TENM3: variants seen among roughly 807,000 people sequenced by gnomAD.
TENM3 encodes teneurin-3.
Under a neutral mutation model 255.1 loss-of-function variants are expected in TENM3, and 63 were observed. The observed-to-expected ratio is 0.25, with a 90% CI of 0.20 to 0.30. The LOEUF (loss-of-function observed/expected upper bound fraction) is 0.30, where lower values mean the gene tolerates loss of function less well. TENM3 is among the 10% of genes least tolerant of loss of function. The pLI, the probability that TENM3 is intolerant of heterozygous loss-of-function variation, is 1.00. For synonymous variants in TENM3, 1,306 were observed against 1,322.3 expected (o/e 0.99, Z 0.27); for missense variants, 2,929 against 3,461.1 (o/e 0.85, Z 3.86).
chr4:181,883,704 C>T, the TENM3 span, among the ~76,000 whole-genome samples: 1 of 152,118 alleles, frequency 6.6e-6, no homozygotes, highest in East Asian at 1.9e-4. Context: ...GTCTCGATCT[C>T]CTGACCTTGT....
At chr4:182,367,786 A>T (rs547809797) in intron 3 of TENM3, among the ~76,000 whole-genome samples, 9 of 152,362 alleles carry the variant, frequency 5.9e-5, no homozygotes, top group African/African-American at 2.2e-4. Flanking sequence ...ATCAAAACTC[A>T]AAAATACATG....
At chr4:182,407,947 T>C (rs1294888180) in intron 3 of TENM3, among the ~76,000 whole-genome samples, 3 of 152,368 alleles carry the variant, frequency 2.0e-5, no homozygotes. Flanking sequence ...TAATTATATA[T>C]GCACTTACCT....
chr4:182,603,333 C>G (rs1385269321), intron 4 of TENM3, among the ~76,000 whole-genome samples: 1 of 152,084 alleles, frequency 6.6e-6, no homozygotes, highest in East Asian at 1.9e-4. Context: ...AAATCAACCG[C>G]TGATATGATC....
intron 12 of TENM3, among the ~76,000 whole-genome samples, chr4:182,689,372 T>C (rs1223048261): frequency 1.3e-5 from 2 of 152,212 alleles, no homozygotes; most frequent in Non-Finnish European, 2.9e-5. Context: ...AGCCGGGAAC[T>C]TTGTCATGGG....
chr4:181,544,843 T>C, the TENM3 span, among the ~76,000 whole-genome samples: 2 of 152,234 alleles, frequency 1.3e-5, no homozygotes, highest in Non-Finnish European at 2.9e-5. Context: ...CAGACAGTGC[T>C]GTGAAAAACA....
At chr4:181,612,096 C>A in the TENM3 span, among the ~76,000 whole-genome samples, 2 of 152,076 alleles carry the variant, frequency 1.3e-5, no homozygotes, top group African/African-American at 4.8e-5. Flanking sequence ...TGCTCCGTTC[C>A]TGCTGTACAG....
intron 3 of TENM3, among the ~76,000 whole-genome samples, chr4:182,526,520 C>G (rs74453043): frequency 0.024 from 3,616 of 152,066 alleles, 51 homozygotes; most frequent in Middle Eastern, 0.041. Flanking sequence ...TAGACATGCA[C>G]TCAAAGTTAA....
the TENM3 span, among the ~76,000 whole-genome samples, chr4:182,066,922 T>C: frequency 2.0e-5 from 3 of 152,148 alleles, no homozygotes; most frequent in East Asian, 1.9e-4. Context: ...AATATATATA[T>C]ATAAGTTTGA....
At chr4:181,488,480 A>G in the TENM3 span, among the ~76,000 whole-genome samples, 3 of 152,272 alleles carry the variant, frequency 2.0e-5, no homozygotes, top group East Asian at 5.8e-4. Flanking sequence ...TGGTTCAGCA[A>G]TCAGCAGTAC....
At chr4:182,139,580 G>A (rs531226805), upstream of TENM3, among the ~76,000 whole-genome samples, 1 of 152,300 alleles carries the variant, frequency 6.6e-6, no homozygotes, top group Admixed American at 6.5e-5. Context: ...TAGAAAATAT[G>A]ACAGATGTTA....
rs917209903 is a variant in TENM3, at chr4:182,754,618, C to T, written c.4251C>T (p.Tyr1417=). Residue 1417 remains tyrosine, a synonymous_variant, in exon 22 of 28, where the codon TAC becomes TAT. Coordinates refer to ENST00000511685, the MANE Select transcript of TENM3 (RefSeq NM_001080477.4). The surrounding 1 kb of genome is among the most constrained non-coding windows in gnomAD (Gnocchi z 5.1). ...CTGTGTCCTACAGTGGGGTCCTGTA[C>T]ATTACTGAAACTGATGAGAAGAAAA... ...AIAVSYSGVL[Y]ITETDEKKIN... 6.2e-7 allele frequency: 1 copy of T among 1,613,860 alleles called. No individual in the cohort carries two copies. Among genetic ancestry groups the T allele is most frequent in the African/African-American group, 1.3e-5 (1 of 74,922 alleles).
chr4:182,043,431 T>C, the TENM3 span, among the ~76,000 whole-genome samples: 4 of 152,200 alleles, frequency 2.6e-5, no homozygotes, highest in Admixed American at 6.5e-5. Flanking sequence ...CAACTGCCTG[T>C]AGAAACCAAG....
At chr4:182,485,291 A>G (rs1734589221) in intron 3 of TENM3, among the ~76,000 whole-genome samples, 1 of 152,196 alleles carries the variant, frequency 6.6e-6, no homozygotes, top group South Asian at 2.1e-4. Flanking sequence ...TTAACTGGTT[A>G]ATTTTAAAAG....
chr4:181,911,784 C>T, the TENM3 span, among the ~76,000 whole-genome samples: 2 of 152,018 alleles, frequency 1.3e-5, no homozygotes, highest in Non-Finnish European at 2.9e-5. Context: ...TTATATAAAC[C>T]AGGATATAAC....
chr4:182,346,088 C>CATAT (rs1764782901), intron 2 of TENM3, among the ~76,000 whole-genome samples: 2 of 151,922 alleles, frequency 1.3e-5, no homozygotes, highest in Non-Finnish European at 2.9e-5. Flanking sequence ...TACATACATA[C>CATAT]ATACATACAT....
At chr4:182,679,609 A>AG (rs1297947438) in intron 7 of TENM3, 57 bp from the exon 8 acceptor site, 4 of 1,377,236 alleles carry the variant, frequency 2.9e-6, no homozygotes, top group Non-Finnish European at 4.0e-6. Flanking sequence ...GAAAAAAAAA[A>AG]AGAGAGAAGC....
intron 12 of TENM3, among the ~76,000 whole-genome samples, chr4:182,689,796 C>T (rs759795279): frequency 8.5e-5 from 13 of 152,224 alleles, no homozygotes; most frequent in Admixed American, 1.3e-4. Context: ...CCCAGGACAG[C>T]TTTGAATGAG....
chr4:182,019,254 C>T, the TENM3 span, among the ~76,000 whole-genome samples: 44 of 152,264 alleles, frequency 2.9e-4, no homozygotes, highest in Non-Finnish European at 5.0e-4. Flanking sequence ...TCCTGTGAAC[C>T]GAATGTGAAA....
rs1206341253 is a variant in TENM3, at chr4:182,653,689, C to A, written c.989-82C>A. 20 of 1,429,864 alleles carry A rather than the reference C, an allele frequency of 1.4e-5. 1 individual carries two copies. Among genetic ancestry groups the A allele is most frequent in the Middle Eastern group, 3.7e-4 (2 of 5,442 alleles). 88.6% of individuals were successfully genotyped at this position (1,429,864 alleles called of 1,614,324 possible). On this transcript the variant is annotated intron_variant, in intron 5 of 27. Coordinates refer to ENST00000511685, the MANE Select transcript of TENM3 (RefSeq NM_001080477.4). The stretch of plus-strand genomic sequence containing the variant: ...ATGGAAATTGTAACTTTACATATGA[C>A]TCTTGTTTTAAACATGCTTAGCAAT...
Sources: allele counts gnomAD v4.1 joint callset (sites outside exome capture counted in the v4.1 genomes callset), GRCh38; gene constraint gnomAD v4.1.1; non-coding constraint Gnocchi (gnomAD v3.1); transcripts MANE v1.5; gene names NCBI Gene and HGNC (gene_info 2026-07-23, HGNC 2026-07-21).